PCNX1: variants seen among roughly 807,000 people sequenced by gnomAD.
The protein encoded by PCNX1 is pecanex-like protein 1.
In PCNX1, 78 loss-of-function variants were observed where a neutral mutation model predicts 242.2. The observed-to-expected ratio is 0.32, with a 90% CI of 0.27 to 0.39. The LOEUF (loss-of-function observed/expected upper bound fraction) is 0.39. Ranked by LOEUF, PCNX1 falls within the 10% of genes least tolerant of loss-of-function variation. PCNX1 has a pLI of 1.00. For missense variants in PCNX1, 2,581 were observed against 2,856.5 expected (o/e 0.90, Z 2.20); for synonymous variants, 1,024 against 1,032.9 (o/e 0.99, Z 0.17).
chr14:71,103,741 C>A, intron 32 of PCNX1, 72 bp downstream of exon 32: 1 of 1,443,842 alleles, frequency 6.9e-7, no homozygotes, highest in South Asian at 1.2e-5. Context: ...TGTGCATCAC[C>A]TGGGAAGCTT....
intron 2 of PCNX1, among the ~76,000 whole-genome samples, chr14:70,954,546 C>T (rs2057915539): frequency 6.6e-6 from 1 of 151,934 alleles, no homozygotes; most frequent in Non-Finnish European, 1.5e-5. Flanking sequence ...TTTTAAATAC[C>T]TTTCAGTAAT....
rs776407453 is a variant in PCNX1, at chr14:70,907,976, G to A, written c.126G>A (p.Leu42=). The A allele has an allele frequency of 4.4e-6, 7 of 1,597,828 alleles. No homozygotes were observed. Among genetic ancestry groups the A allele is most frequent in the Non-Finnish European group, 5.1e-6 (6 of 1,173,484 alleles). Residue 42 remains leucine (L), a synonymous_variant, in exon 1 of 36, where the codon CTG becomes CTA. Transcript: ENST00000304743. ...TGCACCTCTACCTGTGGCTCTTTCT[G>A]CTGGGCCTGCCCTTCACCCTCTACA... The part of the protein sequence containing the change: ...NALHLYLWLF[L]LGLPFTLYMA...
intron 5 of PCNX1, among the ~76,000 whole-genome samples, chr14:70,973,272 AAAAG>A (rs2058595546): frequency 6.6e-6 from 1 of 152,064 alleles, no homozygotes; most frequent in Admixed American, 6.6e-5. Flanking sequence ...AAAAAAAAGA[AAAAG>A]TGAAAAGTTT....
At chr14:70,948,695 GTATA>G (rs904868359) in intron 2 of PCNX1, among the ~76,000 whole-genome samples, 4 of 144,718 alleles carry the variant, frequency 2.8e-5, no homozygotes, top group African/African-American at 1.0e-4. Flanking sequence ...ATATACACGT[GTATA>G]TATACACACA....
chr14:71,042,419 G>A (rs756223268), intron 19 of PCNX1, among the ~76,000 whole-genome samples: 16 of 151,722 alleles, frequency 1.1e-4, no homozygotes, highest in Non-Finnish European at 1.8e-4. Flanking sequence ...ATTATATAAC[G>A]ACCTTCTTTG....
intron 5 of PCNX1, among the ~76,000 whole-genome samples, chr14:70,975,373 G>T (rs1355914226): frequency 6.6e-6 from 1 of 152,070 alleles, no homozygotes; most frequent in Non-Finnish European, 1.5e-5. Flanking sequence ...ACTTTAAAAT[G>T]TAAAATAAAG....
Position 71,009,688 on chromosome 14 carries a change from A to C in PCNX1, c.2684A>C (p.Asn895Thr). 6.2e-7 allele frequency: 1 copy of C among 1,603,850 alleles called. No homozygotes were observed. The highest frequency in any genetic ancestry group is 1.7e-4 in the Middle Eastern group (1 of 6,014). ...ETGGCDMSLV[N>T]FEPAARRASN... ...GGTGGCTGTGATATGTCACTTGTGA[A>C]TTTTGAACCAGCAGCAAGAAGAGCA... is the stretch of plus-strand genomic sequence containing the variant. The change falls in exon 9 of 36, where the codon AAT becomes ACT. Residue 895 changes from asparagine (N) to threonine (T), a missense_variant. Physicochemically the swap from Asn to Thr is moderately conservative, Grantham distance 65 (BLOSUM62 0). Transcript: ENST00000304743.
At chr14:71,013,288 T>C in intron 11 of PCNX1, 86 bp downstream of exon 11, 2 of 1,019,628 alleles carry the variant, frequency 2.0e-6, no homozygotes, top group South Asian at 2.5e-5. Context: ...GGTTTTTACC[T>C]GGTTATCATG....
At chr14:71,095,172 T>C (rs565011521) in intron 30 of PCNX1, among the ~76,000 whole-genome samples, 4 of 152,350 alleles carry the variant, frequency 2.6e-5, no homozygotes, top group Non-Finnish European at 5.9e-5. Context: ...TATTTTCCTT[T>C]ATTAGTACTC....
chr14:70,947,048 A>G lies in PCNX1; in HGVS notation c.287A>G (p.Asn96Ser), dbSNP rs753602374. Residue 96 changes from asparagine to serine, a missense_variant, in exon 2 of 36, where the codon AAT becomes AGT. Physicochemically the swap from Asn to Ser is conservative, Grantham distance 46. Around this residue, in one of 9 missense-constraint regions of PCNX1, gnomAD observed 1,204 missense variants for 1,216.7 expected, o/e 0.99. Transcript: ENST00000304743. ...GGAGAAGTTGTAGATAGGACTGCAAATGAGTTCACGGATCAGCGAACCAAA... is the reference window on the plus strand; with the variant it reads ...GGAGAAGTTGTAGATAGGACTGCAAGTGAGTTCACGGATCAGCGAACCAAA... ...DAGEVVDRTA[N>S]EFTDQRTKAE... 1.9e-6 allele frequency: 3 copies of G among 1,613,940 alleles called. No homozygotes were observed. The South Asian group carries it at 3.3e-5, about 18-fold the overall frequency.
At chr14:70,924,278 C>A (rs983236980) in intron 1 of PCNX1, among the ~76,000 whole-genome samples, 2 of 150,046 alleles carry the variant, frequency 1.3e-5, no homozygotes, top group Non-Finnish European at 3.0e-5. Flanking sequence ...AAAAACCTAC[C>A]AAATTGCCCT....
intron 2 of PCNX1, among the ~76,000 whole-genome samples, chr14:70,951,268 C>T (rs2057766904): frequency 6.6e-6 from 1 of 151,948 alleles, no homozygotes; most frequent in African/African-American, 2.4e-5. Context: ...TTCATTTATA[C>T]CATACTGTTT....
chr14:71,053,781 C>T (rs2141207722), intron 24 of PCNX1, among the ~76,000 whole-genome samples: 1 of 152,238 alleles, frequency 6.6e-6, no homozygotes, highest in Admixed American at 6.5e-5. Flanking sequence ...GCATAAATAA[C>T]ATTTTAAAGT....
In PCNX1 at chr14:71,001,302, G is replaced by A. The variant is rs527777469; in HGVS notation, c.2629+5377G>A. ...TAAATAATGTTGAAATGGAATTATC[G>A]GTCAAGGGGAATATACATTTTTGGG... is the stretch of plus-strand genomic sequence containing the variant. On this transcript the variant is annotated intron_variant, in intron 8 of 35. Transcript: ENST00000304743. 2.4e-4 allele frequency among the ~76,000 whole-genome samples: 36 copies of A among 152,188 alleles called. 1 individual carries two copies. The South Asian group carries it at 4.6e-3, about 19-fold the overall frequency.
chr14:71,017,969 A>C (rs1193516840), intron 11 of PCNX1, among the ~76,000 whole-genome samples: 4 of 152,256 alleles, frequency 2.6e-5, no homozygotes, highest in African/African-American at 9.6e-5. Context: ...TTATAAAAGT[A>C]ATTCCTTACC....
chr14:71,104,832 CAGGAAAA>C, intron 32 of PCNX1, among the ~76,000 whole-genome samples: 1 of 152,044 alleles, frequency 6.6e-6, no homozygotes, highest in African/African-American at 2.4e-5. Flanking sequence ...GAGGCTGAGG[CAGGAAAA>C]TCGTTTGAAC....
chr14:71,070,782 C>T (rs1242404514), intron 26 of PCNX1, among the ~76,000 whole-genome samples: 1 of 152,156 alleles, frequency 6.6e-6, no homozygotes, highest in East Asian at 1.9e-4. Context: ...GGTAAATGAG[C>T]ATTTCAACTT....
In PCNX1 at chr14:71,073,604, G is replaced by T; in HGVS notation, c.4912G>T (p.Gly1638Ter). 1 of 1,613,922 alleles carries T rather than the reference G, an allele frequency of 6.2e-7. No individual in the cohort carries two copies. The highest frequency in any genetic ancestry group is 8.5e-7 in the Non-Finnish European group (1 of 1,179,866). ...TACTGAAGGTGTAGAGGAAGATGAAGGATTTTGCTGTTGTGAACCTGGCCA... is the reference window on the plus strand; with the variant it reads ...TACTGAAGGTGTAGAGGAAGATGAATGATTTTGCTGTTGTGAACCTGGCCA... ...AITEGVEEDE[G>*]FCCCEPGHIP... The change falls in exon 27 of 36, where the codon GGA (glycine) becomes TGA (stop). Residue 1638 changes from glycine to a stop codon, truncating the protein, a stop_gained. Coordinates refer to ENST00000304743, the MANE Select transcript of PCNX1 (RefSeq NM_014982.3). LOFTEE classifies it high-confidence loss of function.
At chr14:71,071,338 G>A (rs370495441) in intron 26 of PCNX1, among the ~76,000 whole-genome samples, 529 of 152,218 alleles carry the variant, frequency 3.5e-3, no homozygotes, top group African/African-American at 0.012. Flanking sequence ...TTCACAACTT[G>A]GCTATTTGGT....
Sources: allele counts gnomAD v4.1 joint callset (sites outside exome capture counted in the v4.1 genomes callset), GRCh38; gene constraint gnomAD v4.1.1; regional missense constraint gnomAD v4.1.1; transcripts MANE v1.5; gene names NCBI Gene and HGNC (gene_info 2026-07-23, HGNC 2026-07-21).